MYO1D: variants seen among roughly 807,000 people sequenced by gnomAD.
MYO1D encodes unconventional myosin-Id.
Under a neutral mutation model 122.0 loss-of-function variants are expected in MYO1D, and 83 were observed. The observed-to-expected ratio is 0.68, with a 90% CI of 0.57 to 0.82. The LOEUF (loss-of-function observed/expected upper bound fraction) is 0.82. Among genes scored for constraint, MYO1D ranks in the 40% least tolerant of loss-of-function variants. The pLI, the probability that MYO1D is intolerant of heterozygous loss-of-function variation, is 0.00. For missense variants in MYO1D, 1,157 were observed against 1,269.5 expected, an observed-to-expected ratio of 0.91 and a Z score of 1.35; for synonymous variants, 464 against 446.9, an observed-to-expected ratio of 1.04 and a Z score of -0.48.
intron 16 of MYO1D, among the ~76,000 whole-genome samples, chr17:32,711,600 T>A (rs2089376660): frequency 6.6e-6 from 1 of 151,188 alleles, no homozygotes; most frequent in Non-Finnish European, 1.5e-5. Context: ...AAGCCAAGAT[T>A]GTGCCACTGC....
chr17:32,552,154 C>A (rs1296474451), intron 21 of MYO1D, among the ~76,000 whole-genome samples: 1 of 152,230 alleles, frequency 6.6e-6, no homozygotes, highest in South Asian at 2.1e-4. Context: ...TGGCTCACTG[C>A]AGCCTCAGCC....
intron 21 of MYO1D, chr17:32,498,815 C>T (rs1359662207): frequency 1.3e-5 from 2 of 152,232 alleles, no homozygotes; most frequent in African/African-American, 4.8e-5. Context: ...TTTAGCATAG[C>T]TCACAAAACC....
intron 15 of MYO1D, among the ~76,000 whole-genome samples, chr17:32,720,676 G>A (rs1329903562): frequency 6.6e-6 from 1 of 152,096 alleles, no homozygotes; most frequent in African/African-American, 2.4e-5. Context: ...TTTCACAGAT[G>A]CAAAAACAGG....
At chr17:32,823,209 T>C (rs539412502) in intron 1 of MYO1D, among the ~76,000 whole-genome samples, 1 of 151,952 alleles carries the variant, frequency 6.6e-6, no homozygotes, top group Non-Finnish European at 1.5e-5. Flanking sequence ...TGATGAGAGG[T>C]TGGAGGTGGA....
At chr17:32,760,873 C>T (rs2089994360) in intron 8 of MYO1D, among the ~76,000 whole-genome samples, 1 of 152,130 alleles carries the variant, frequency 6.6e-6, no homozygotes, top group Admixed American at 6.5e-5. Context: ...CCAATTCCAA[C>T]GACACTCTCC....
intron 1 of MYO1D, among the ~76,000 whole-genome samples, chr17:32,872,984 C>G (rs781001861): frequency 3.3e-5 from 5 of 152,204 alleles, no homozygotes; most frequent in Non-Finnish European, 1.5e-5. Flanking sequence ...GCGTGAGCCA[C>G]CGCGCCCGGC....
chr17:32,714,913 C>T (rs755531593), intron 15 of MYO1D, among the ~76,000 whole-genome samples: 24 of 151,974 alleles, frequency 1.6e-4, no homozygotes, highest in Non-Finnish European at 3.2e-4. Flanking sequence ...ATCTATCCAT[C>T]TGATAAAGGA....
intron 16 of MYO1D, among the ~76,000 whole-genome samples, chr17:32,710,453 T>TAA (rs1717929771): frequency 6.6e-6 from 1 of 152,182 alleles, no homozygotes; most frequent in African/African-American, 2.4e-5. Context: ...CTAAATGAAT[T>TAA]AAAGACCTAA....
At chr17:32,512,478 G>A (rs1909729767) in intron 21 of MYO1D, among the ~76,000 whole-genome samples, 1 of 152,226 alleles carries the variant, frequency 6.6e-6, no homozygotes, top group South Asian at 2.1e-4. Context: ...CACTAAGCAG[G>A]CCCAGGGTGG....
intron 1 of MYO1D, among the ~76,000 whole-genome samples, chr17:32,811,762 G>A (rs2090574744): frequency 6.6e-6 from 1 of 151,774 alleles, no homozygotes; most frequent in African/African-American, 2.4e-5. Flanking sequence ...GTAAAGCTGG[G>A]AATTCCAGTC....
intron 19 of MYO1D, among the ~76,000 whole-genome samples, chr17:32,641,271 T>A (rs1485453648): frequency 6.6e-6 from 1 of 151,656 alleles, no homozygotes; most frequent in Non-Finnish European, 1.5e-5. Flanking sequence ...GAACTCATCC[T>A]TTTTTATGGC....
chr17:32,794,534 A>C (rs1020826340), intron 1 of MYO1D, among the ~76,000 whole-genome samples: 1 of 151,844 alleles, frequency 6.6e-6, no homozygotes, highest in Non-Finnish European at 1.5e-5. Flanking sequence ...AGTTATTAGC[A>C]CTCATGTTCC....
intron 21 of MYO1D, among the ~76,000 whole-genome samples, chr17:32,539,249 C>G (rs866502420): frequency 6.7e-6 from 1 of 149,116 alleles, no homozygotes. Context: ...CAAGACCAGC[C>G]GAGGTGACGT....
intron 20 of MYO1D, among the ~76,000 whole-genome samples, chr17:32,628,868 G>A (rs1295043205): frequency 1.3e-5 from 2 of 152,168 alleles, no homozygotes; most frequent in Non-Finnish European, 2.9e-5. Flanking sequence ...ACAGGATTGA[G>A]CAATAGCACT....
intron 1 of MYO1D, among the ~76,000 whole-genome samples, chr17:32,845,196 T>C (rs1253481786): frequency 2.0e-5 from 3 of 152,192 alleles, no homozygotes; most frequent in Non-Finnish European, 4.4e-5. Context: ...TTTTTATAAA[T>C]GAAGTTTTCA....
intron 1 of MYO1D, among the ~76,000 whole-genome samples, chr17:32,823,253 C>CTTGT (rs1348358328): frequency 6.6e-6 from 1 of 152,108 alleles, no homozygotes; most frequent in African/African-American, 2.4e-5. Flanking sequence ...CAAGCATGAG[C>CTTGT]ACAAAAGTCA....
chr17:32,648,499 T>C (rs1353457349), intron 19 of MYO1D, among the ~76,000 whole-genome samples: 1 of 152,130 alleles, frequency 6.6e-6, no homozygotes. Flanking sequence ...AGCTCCTAGA[T>C]AGTTTCAGGA....
intron 21 of MYO1D, among the ~76,000 whole-genome samples, chr17:32,574,298 G>A (rs1179259608): frequency 6.6e-6 from 1 of 151,882 alleles, no homozygotes; most frequent in Non-Finnish European, 1.5e-5. Flanking sequence ...CATGTGCACA[G>A]TTGTATCACT....
chr17:32,617,190 A>T (rs917840297), intron 20 of MYO1D, among the ~76,000 whole-genome samples: 9 of 152,058 alleles, frequency 5.9e-5, no homozygotes, highest in Admixed American at 6.6e-5. Flanking sequence ...AAAAGTTAAT[A>T]AAAAAAATAA....
Sources: allele counts gnomAD v4.1 joint callset (sites outside exome capture counted in the v4.1 genomes callset), GRCh38; gene constraint gnomAD v4.1.1; transcripts MANE v1.5; gene names NCBI Gene and HGNC (gene_info 2026-07-23, HGNC 2026-07-21).